Variants in NSMCE2 observed in about 807,000 individuals in gnomAD.
NSMCE2 encodes the protein NSE2 SUMO ligase component of SMC5/6 complex, also known as E3 SUMO-protein ligase NSE2.
A neutral mutation model predicts 23.8 loss-of-function variants in NSMCE2; 24 were observed. The observed-to-expected ratio is 1.01, with a 90% CI of 0.73 to 1.42. NSMCE2 has a LOEUF of 1.42. NSMCE2 is among the 40% of genes most tolerant of loss of function. NSMCE2 has a pLI of 0.00. For missense variants in NSMCE2, 284 were observed against 296.5 expected, an observed-to-expected ratio of 0.96 and a Z score of 0.31; for synonymous variants, 92 against 94.1, an observed-to-expected ratio of 0.98 and a Z score of 0.13.
intron 4 of NSMCE2, among the ~76,000 whole-genome samples, chr8:125,176,154 G>A (rs991814428): frequency 2.6e-5 from 4 of 152,296 alleles, no homozygotes; most frequent in Non-Finnish European, 4.4e-5. Flanking sequence ...GGGGATTTGC[G>A]TGTTTCTTCC....
intron 5 of NSMCE2, among the ~76,000 whole-genome samples, chr8:125,275,578 T>A (rs1474909759): frequency 6.6e-6 from 1 of 152,200 alleles, no homozygotes; most frequent in Non-Finnish European, 1.5e-5. Context: ...CCAGCCACAC[T>A]GGATAATCAC....
chr8:125,111,923 A>G (rs1196733258), intron 3 of NSMCE2, among the ~76,000 whole-genome samples: 3 of 152,208 alleles, frequency 2.0e-5, no homozygotes, highest in Non-Finnish European at 4.4e-5. Flanking sequence ...GTGTTGTGAT[A>G]TATTTCTCCA....
intron 5 of NSMCE2, among the ~76,000 whole-genome samples, chr8:125,192,864 C>T (rs573695556): frequency 9.9e-5 from 15 of 152,266 alleles, no homozygotes; most frequent in Middle Eastern, 3.4e-3. Context: ...ATGATGATGA[C>T]GCGCTCTACT....
At chr8:125,106,548 C>T (rs80291780) in intron 3 of NSMCE2, among the ~76,000 whole-genome samples, 2 of 151,660 alleles carry the variant, frequency 1.3e-5, no homozygotes, top group East Asian at 3.9e-4. Context: ...CGTGGTGGTG[C>T]GCACCTGTAA....
rs535696905 is a variant in NSMCE2 at position 125,272,876 on chromosome 8, C to CAT, written c.419-84343_419-84342insAT. 2.5e-3 allele frequency among the ~76,000 whole-genome samples: 321 copies of CAT among 127,444 alleles called. 15 individuals carry two copies. The highest frequency in any genetic ancestry group is 9.3e-3 in the African/African-American group (302 of 32,336). 83.6% of individuals were successfully genotyped at this position (127,444 alleles called of 152,430 possible). A position where few individuals can be genotyped will look rare whatever the true frequency, so the allele number is the denominator to read the frequency against. On this transcript the variant is annotated intron_variant, in intron 5 of 7. Transcript: ENST00000287437. The stretch of plus-strand genomic sequence containing the variant: ...ACACACATATATATACACACGTATA[C>CAT]GTGTGTGTATATATATATAAAAGGC...
chr8:125,246,110 TTTTTAACTCTGTGACAATTCAG>T (rs1488963761), intron 5 of NSMCE2, among the ~76,000 whole-genome samples: 3 of 152,170 alleles, frequency 2.0e-5, no homozygotes, highest in Non-Finnish European at 4.4e-5. Flanking sequence ...AAAAGTAATA[TTTTTAACTCTGTGACAATTCAG>T]TTTTAACTCT....
chr8:125,093,151 G>A (rs531154088), intron 1 of NSMCE2, among the ~76,000 whole-genome samples: 48 of 152,220 alleles, frequency 3.2e-4, no homozygotes, highest in African/African-American at 1.0e-3. Context: ...TCACAGTTCC[G>A]GGGCCTGTTT....
At chr8:125,261,101 G>A (rs1212605118) in intron 5 of NSMCE2, among the ~76,000 whole-genome samples, 1 of 152,294 alleles carries the variant, frequency 6.6e-6, no homozygotes, top group South Asian at 2.1e-4. Context: ...TTACTGTTTT[G>A]CGAATCAACC....
intron 5 of NSMCE2, among the ~76,000 whole-genome samples, chr8:125,255,821 G>A (rs1826381868): frequency 6.6e-6 from 1 of 152,176 alleles, no homozygotes; most frequent in Admixed American, 6.5e-5. Context: ...AGTGGGGAAG[G>A]TGGATTTCAG....
chr8:125,272,846 T>C (rs199572839), intron 5 of NSMCE2, among the ~76,000 whole-genome samples: 11 of 139,678 alleles, frequency 7.9e-5, no homozygotes, highest in African/African-American at 2.8e-4. Context: ...CACACGTATA[T>C]ACACACACAC....
At chr8:125,283,292 T>C (rs985062177) in intron 5 of NSMCE2, among the ~76,000 whole-genome samples, 10 of 152,224 alleles carry the variant, frequency 6.6e-5, no homozygotes, top group Admixed American at 6.5e-4. Flanking sequence ...CTCATGCCTG[T>C]AATCCCAGCA....
chr8:125,173,274 A>G (rs1822311180), intron 4 of NSMCE2, among the ~76,000 whole-genome samples: 1 of 152,216 alleles, frequency 6.6e-6, no homozygotes, highest in Admixed American at 6.5e-5. Context: ...AACCAGCAGA[A>G]CCAGAGTCGC....
chr8:125,185,871 G>T (rs1007328262), intron 5 of NSMCE2, among the ~76,000 whole-genome samples: 5 of 152,114 alleles, frequency 3.3e-5, no homozygotes, highest in Non-Finnish European at 7.3e-5. Context: ...TAAATAGAAG[G>T]TAACTAGCTC....
chr8:125,177,992 C>G (rs1248212956), intron 4 of NSMCE2, among the ~76,000 whole-genome samples: 2 of 152,166 alleles, frequency 1.3e-5, no homozygotes, highest in Non-Finnish European at 2.9e-5. Context: ...CATCATTACT[C>G]TCTTGTCTTC....
intron 5 of NSMCE2, among the ~76,000 whole-genome samples, chr8:125,313,163 AAAAG>A (rs1035480367): frequency 2.0e-5 from 3 of 151,048 alleles, no homozygotes; most frequent in Admixed American, 6.6e-5. Context: ...AGGAAGGAAA[AAAAG>A]GAAGGAAAGA....
In NSMCE2 at chr8:125,163,580, A is replaced by G. The variant is rs960102805; in HGVS notation, c.264+12303A>G. Among the ~76,000 whole-genome samples, 5 of 152,298 alleles carry G rather than the reference A, an allele frequency of 3.3e-5. No homozygotes were observed. The East Asian group carries it at 9.6e-4, about 29-fold the overall frequency. On this transcript the variant is annotated intron_variant, in intron 4 of 7. Coordinates refer to ENST00000287437, the MANE Select transcript of NSMCE2 (RefSeq NM_173685.4). ...TACCTCATTGGGCAATTGTAGATAAAACGAGATTGTAGATAGGAATGTTTT... is the reference window on the plus strand; with the variant it reads ...TACCTCATTGGGCAATTGTAGATAAGACGAGATTGTAGATAGGAATGTTTT...
At chr8:125,155,318 G>A (rs993432830) in intron 4 of NSMCE2, among the ~76,000 whole-genome samples, 1 of 152,138 alleles carries the variant, frequency 6.6e-6, no homozygotes, top group African/African-American at 2.4e-5. Flanking sequence ...TATATATTCT[G>A]TGTAACTTTT....
intron 5 of NSMCE2, among the ~76,000 whole-genome samples, chr8:125,207,412 A>G (rs1015031650): frequency 1.3e-5 from 2 of 152,200 alleles, no homozygotes; most frequent in African/African-American, 4.8e-5. Flanking sequence ...CAAAGCTAGC[A>G]ATTACTTTTT....
chr8:125,262,893 T>C (rs1245516029), intron 5 of NSMCE2, among the ~76,000 whole-genome samples: 1 of 150,162 alleles, frequency 6.7e-6, no homozygotes, highest in East Asian at 2.0e-4. Context: ...TTCTTGTAAA[T>C]GTGGCAGTGG....
Sources: gnomAD v4.1 joint callset for allele counts (sites outside exome capture counted in the v4.1 genomes callset) on GRCh38, gnomAD v4.1.1 for gene constraint, MANE v1.5 for transcripts, NCBI Gene and HGNC (gene_info 2026-07-23, HGNC 2026-07-21) for gene names.